Variants in PKP4 observed in about 807,000 individuals in gnomAD.
The protein encoded by PKP4 is plakophilin 4, also known as plakophilin-4.
Under a neutral mutation model 145.1 loss-of-function variants are expected in PKP4, and 90 were observed. The ratio of observed to expected loss-of-function variants is 0.62; its 90% CI spans 0.52 to 0.74. The LOEUF is 0.74. Among genes scored for constraint, PKP4 ranks in the 30% least tolerant of loss-of-function variants. The probability of loss-of-function intolerance (pLI) is 0.00; values close to 1 mark genes in which losing one functional copy is unlikely to be tolerated. For synonymous variants in PKP4, 563 were observed against 577.2 expected, an observed-to-expected ratio of 0.98 and a Z score of 0.35; for missense variants, 1,340 against 1,482.7, an observed-to-expected ratio of 0.90 and a Z score of 1.58.
intron 1 of PKP4, among the ~76,000 whole-genome samples, chr2:158,485,750 C>CA (rs1167038728): frequency 4.0e-5 from 6 of 151,440 alleles, no homozygotes; most frequent in Non-Finnish European, 4.4e-5. Flanking sequence ...GATTCTAATA[C>CA]AAAAAAAAGT....
intron 8 of PKP4, among the ~76,000 whole-genome samples, chr2:158,633,151 A>G (rs886771): frequency 0.67 from 102,149 of 152,162 alleles, 36,852 homozygotes; most frequent in East Asian, 0.92. Flanking sequence ...TAGTCTGTCT[A>G]TATCCATGGA....
chr2:158,577,390 G>T lies in PKP4; in HGVS notation c.245+7G>T. 6.4e-7 allele frequency: 1 copy of T among 1,564,842 alleles called. No homozygotes were observed. Among genetic ancestry groups the T allele is most frequent in the Non-Finnish European group, 8.8e-7 (1 of 1,137,434 alleles). On this transcript the variant is annotated splice_region_variant and intron_variant, in intron 3 of 21. Coordinates refer to ENST00000389759, the MANE Select transcript of PKP4 (RefSeq NM_003628.6). ...CAAGCATCGCCAGCACCAGGTACAG[G>T]GCCAATGGCTCCATCTTTATGCACA... is the stretch of plus-strand genomic sequence containing the variant.
chr2:158,563,451 A>T (rs1030524696), intron 2 of PKP4, among the ~76,000 whole-genome samples: 4 of 152,170 alleles, frequency 2.6e-5, no homozygotes, highest in Admixed American at 2.0e-4. Flanking sequence ...GTCTTTTTAA[A>T]AACAACTGCC....
chr2:158,511,410 T>A (rs2041511004), intron 1 of PKP4, among the ~76,000 whole-genome samples: 1 of 152,104 alleles, frequency 6.6e-6, no homozygotes, highest in Admixed American at 6.5e-5. Flanking sequence ...AAGTTGGTGC[T>A]CTTTATTTTC....
At position 158,554,191 on chromosome 2, in the gene PKP4, TC is replaced by T. The variant is rs1464556357; in HGVS notation, c.132+20876del. ...CCTCTCTCCTGACATTCAGTAGCCT[TC>T]TGGCACTCACTGTCATTCGCTGAAG... On this transcript the variant is annotated intron_variant, in intron 2 of 21. Transcript: ENST00000389759. Among the ~76,000 whole-genome samples, 547 of 151,354 alleles carry T rather than the reference TC, an allele frequency of 3.6e-3. 2 individuals carry two copies. The highest frequency in any genetic ancestry group is 8.0e-3 in the South Asian group (38 of 4,744).
intron 1 of PKP4, among the ~76,000 whole-genome samples, chr2:158,473,324 A>G (rs1691899066): frequency 6.6e-6 from 1 of 152,228 alleles, no homozygotes; most frequent in African/African-American, 2.4e-5. Flanking sequence ...ACCCAGAGGA[A>G]TATAAATCAT....
At chr2:158,624,826 G>A (rs1318637431) in intron 6 of PKP4, 52 bp from the exon 7 acceptor site, 1 of 1,422,634 alleles carries the variant, frequency 7.0e-7, no homozygotes, top group African/African-American at 1.4e-5. Context: ...TAATGGCAAT[G>A]AACACAAAAC....
rs16843067 is a variant in PKP4, at chr2:158,603,293, T to G, written c.280+189T>G. ...GTATAATTGAGTAAATTTGTGTATG[T>G]CAACTGTAATGAAAAAGCATTGAAC... is the stretch of plus-strand genomic sequence containing the variant. On this transcript the variant is annotated intron_variant, in intron 4 of 21. Coordinates refer to ENST00000389759, the MANE Select transcript of PKP4 (RefSeq NM_003628.6). Among the ~76,000 whole-genome samples the G allele has an allele frequency of 0.038, 5,842 of 152,256 alleles. 266 individuals carry two copies. Among genetic ancestry groups the G allele is most frequent in the African/African-American group, 0.11 (4,536 of 41,534 alleles).
chr2:158,678,420 A>AT (rs147823604), intron 20 of PKP4, among the ~76,000 whole-genome samples, 161 bp from the exon 21 acceptor site: 12,512 of 152,250 alleles, frequency 0.082, 1,281 homozygotes, highest in African/African-American at 0.24. Flanking sequence ...GCCAGGCCAG[A>AT]TCCAGGGACC....
intron 1 of PKP4, among the ~76,000 whole-genome samples, chr2:158,505,651 T>C (rs1304398418): frequency 6.6e-6 from 1 of 151,882 alleles, no homozygotes; most frequent in Non-Finnish European, 1.5e-5. Context: ...GGGTGGGTGA[T>C]AGGAGAAGTG....
chr2:158,583,885 C>A (rs914669974), intron 3 of PKP4, among the ~76,000 whole-genome samples: 10 of 151,778 alleles, frequency 6.6e-5, no homozygotes, highest in African/African-American at 2.4e-4. Context: ...TTTTAATAAA[C>A]CTTTGTGTCG....
At chr2:158,476,443 G>A (rs192354220) in intron 1 of PKP4, among the ~76,000 whole-genome samples, 1 of 152,124 alleles carries the variant, frequency 6.6e-6, no homozygotes, top group Non-Finnish European at 1.5e-5. Flanking sequence ...TGATCATCTC[G>A]TCTCAGCCTC....
In PKP4 at chr2:158,588,821, T is replaced by C. The variant is rs550811179; in HGVS notation, c.245+11438T>C. On this transcript the variant is annotated intron_variant, in intron 3 of 21. Coordinates refer to ENST00000389759, the MANE Select transcript of PKP4 (RefSeq NM_003628.6). ...TTTAGTGACTCTGCATTTATTTTTT[T>C]CTGCAAATATTTATGATGTCTTTTC... 2.0e-5 allele frequency: 3 copies of C among 152,256 alleles called. No homozygotes were observed. The South Asian group carries it at 6.2e-4, about 32-fold the overall frequency. 9.4% of individuals were successfully genotyped at this position (152,256 alleles called of 1,614,324 possible). A position where few individuals can be genotyped will look rare whatever the true frequency, so the allele number is the denominator to read the frequency against.
At chr2:158,531,604 A>G (rs2043552145) in intron 1 of PKP4, among the ~76,000 whole-genome samples, 1 of 152,224 alleles carries the variant, frequency 6.6e-6, no homozygotes, top group South Asian at 2.1e-4. Context: ...TAAGCATTCC[A>G]CATACACTAA....
At chr2:158,518,215 C>T (rs753540793) in intron 1 of PKP4, among the ~76,000 whole-genome samples, 2 of 152,208 alleles carry the variant, frequency 1.3e-5, no homozygotes, top group Admixed American at 6.5e-5. Context: ...GAGGTCTTGG[C>T]TCGAATGGCT....
intron 2 of PKP4, among the ~76,000 whole-genome samples, chr2:158,545,397 T>C (rs953328777): frequency 6.6e-6 from 1 of 152,144 alleles, no homozygotes; most frequent in African/African-American, 2.4e-5. Flanking sequence ...AATGAATAAA[T>C]CTGTTCTTTT....
At position 158,485,491 on chromosome 2, in the gene PKP4, G is replaced by A. The variant is rs534521603; in HGVS notation, c.-6+28273G>A. The stretch of plus-strand genomic sequence containing the variant: ...CACTGTTCATAATTTCATATTTGTC[G>A]AATTATTTGAAGCCTCCCCAAGACT... On this transcript the variant is annotated intron_variant, in intron 1 of 21. Coordinates refer to ENST00000389759, the MANE Select transcript of PKP4 (RefSeq NM_003628.6). 7.6e-4 allele frequency among the ~76,000 whole-genome samples: 116 copies of A among 152,190 alleles called. 1 individual carries two copies. The highest frequency in any genetic ancestry group is 5.9e-4 in the Non-Finnish European group (40 of 68,008).
rs115499815 is a variant in PKP4 at position 158,577,792 on chromosome 2, T to C, written c.245+409T>C. On this transcript the variant is annotated intron_variant, in intron 3 of 21. Coordinates refer to ENST00000389759, the MANE Select transcript of PKP4 (RefSeq NM_003628.6). ...CTTTAAAAATGTCTTCAATTTACTT[T>C]GGGTTTTTCTAGAACTCTATGAATC... is the stretch of plus-strand genomic sequence containing the variant. Among the ~76,000 whole-genome samples, 922 of 152,316 alleles carry C rather than the reference T, an allele frequency of 6.1e-3. 3 individuals are homozygous for C. Among genetic ancestry groups the C allele is most frequent in the African/African-American group, 0.02 (851 of 41,564 alleles).
chr2:158,505,192 T>C (rs10196219), intron 1 of PKP4, among the ~76,000 whole-genome samples: 60,919 of 152,070 alleles, frequency 0.4, 12,944 homozygotes, highest in East Asian at 0.68. Flanking sequence ...TTGTTAGCCA[T>C]ACAGGTATAG....
Sources: gnomAD v4.1 joint callset for allele counts (sites outside exome capture counted in the v4.1 genomes callset) on GRCh38, gnomAD v4.1.1 for gene constraint, MANE v1.5 for transcripts, NCBI Gene and HGNC (gene_info 2026-07-23, HGNC 2026-07-21) for gene names.